ADRA1B: variants seen among roughly 807,000 people sequenced by gnomAD.
ADRA1B encodes the protein adrenoceptor alpha 1B.
A neutral mutation model predicts 17.9 loss-of-function variants in ADRA1B; 17 were observed. The observed-to-expected ratio is 0.95, with a 90% CI of 0.65 to 1.42. The LOEUF is 1.42. ADRA1B is among the 40% of genes most tolerant of loss of function. The pLI, the probability that ADRA1B is intolerant of heterozygous loss-of-function variation, is 0.00. For missense variants in ADRA1B, 681 were observed against 722.1 expected (o/e 0.94, Z 0.65); for synonymous variants, 366 against 327.6 (o/e 1.12, Z -1.27).
intron 1 of ADRA1B, among the ~76,000 whole-genome samples, chr5:159,873,955 C>T (rs1307795499): frequency 6.6e-6 from 1 of 152,090 alleles, no homozygotes. Flanking sequence ...TTTTTAACCC[C>T]ACCTCTTTGT....
chr5:159,866,595 A>G (rs1157864689), intron 1 of ADRA1B, among the ~76,000 whole-genome samples: 7 of 81,556 alleles, frequency 8.6e-5, no homozygotes, highest in Non-Finnish European at 1.2e-4. Context: ...TCAAAAAAGG[A>G]AAAAAAAAAA....
At chr5:159,923,180 C>A (rs1309712140) in intron 1 of ADRA1B, among the ~76,000 whole-genome samples, 1 of 152,262 alleles carries the variant, frequency 6.6e-6, no homozygotes, top group Non-Finnish European at 1.5e-5. Context: ...GAGGCGTGGG[C>A]AGAGGCCGGG....
chr5:159,906,549 C>T (rs999078697), intron 1 of ADRA1B, among the ~76,000 whole-genome samples: 15 of 152,204 alleles, frequency 9.9e-5, no homozygotes, highest in South Asian at 2.1e-4. Flanking sequence ...AAGGCTGAAG[C>T]CCAGGAATCT....
intron 1 of ADRA1B, among the ~76,000 whole-genome samples, chr5:159,957,980 A>C (rs894108494): frequency 1.3e-5 from 2 of 150,782 alleles, no homozygotes; most frequent in Non-Finnish European, 3.0e-5. Flanking sequence ...GAAAAGAAAT[A>C]TCATTCTTTT....
chr5:159,958,829 C>A lies in ADRA1B; in HGVS notation c.950-13050C>A, dbSNP rs188810976. ...ATAGCTTCTTCATGGTAAGTCCCAC[C>A]AATGCTCAGTTTCTAAAAGTGTTCT... On this transcript the variant is annotated intron_variant, in intron 1 of 1. Transcript: ENST00000306675. 3.8e-3 allele frequency among the ~76,000 whole-genome samples: 572 copies of A among 152,246 alleles called. 4 individuals are homozygous for A. Among genetic ancestry groups the A allele is most frequent in the Non-Finnish European group, 6.0e-3 (407 of 68,016 alleles).
chr5:159,895,153 G>T (rs1306528700), intron 1 of ADRA1B, among the ~76,000 whole-genome samples: 3 of 152,142 alleles, frequency 2.0e-5, no homozygotes, highest in Non-Finnish European at 2.9e-5. Flanking sequence ...CTCTGAGAAA[G>T]GTTGACCTAG....
the ADRA1B span, among the ~76,000 whole-genome samples, chr5:159,987,060 G>A: frequency 3.9e-5 from 6 of 152,222 alleles, no homozygotes; most frequent in Admixed American, 2.0e-4. Context: ...CTTCCCAGGT[G>A]GTTAACGTCC....
At chr5:159,946,408 CA>C (rs1331641084) in intron 1 of ADRA1B, among the ~76,000 whole-genome samples, 2 of 152,162 alleles carry the variant, frequency 1.3e-5, no homozygotes, top group African/African-American at 2.4e-5. Context: ...TCAATATTCA[CA>C]AAATGAACAC....
At chr5:159,960,985 T>G (rs981302976) in intron 1 of ADRA1B, among the ~76,000 whole-genome samples, 1 of 152,148 alleles carries the variant, frequency 6.6e-6, no homozygotes, top group Non-Finnish European at 1.5e-5. Flanking sequence ...TCAGAGGAGA[T>G]GAGAATATAG....
chr5:159,879,509 C>T (rs114439299), intron 1 of ADRA1B, among the ~76,000 whole-genome samples: 1 of 152,216 alleles, frequency 6.6e-6, no homozygotes, highest in Non-Finnish European at 1.5e-5. Flanking sequence ...TGCCCTTCAT[C>T]CTGGCTGCCT....
chr5:159,917,997 A>C, intron 1 of ADRA1B, 143 bp downstream of exon 1: 2 of 823,070 alleles, frequency 2.4e-6, no homozygotes, highest in Non-Finnish European at 3.8e-6. Context: ...TTTGTTCTGC[A>C]AAGGGTTTGC....
intron 1 of ADRA1B, among the ~76,000 whole-genome samples, chr5:159,967,173 T>G (rs1229665882): frequency 6.6e-6 from 1 of 152,166 alleles, no homozygotes; most frequent in Non-Finnish European, 1.5e-5. Flanking sequence ...TGTATTACTT[T>G]TGAAATAAAA....
At chr5:159,872,745 C>T (rs924114917) in intron 1 of ADRA1B, among the ~76,000 whole-genome samples, 5 of 152,176 alleles carry the variant, frequency 3.3e-5, no homozygotes, top group Middle Eastern at 3.4e-3. Flanking sequence ...TGCAATAAAA[C>T]CTTCCTTGGA....
At chr5:159,876,713 G>C (rs943417907) in intron 1 of ADRA1B, among the ~76,000 whole-genome samples, 7 of 152,206 alleles carry the variant, frequency 4.6e-5, no homozygotes, top group African/African-American at 1.7e-4. Flanking sequence ...GAGTGGCTCT[G>C]TGTTGGAATG....
intron 1 of ADRA1B, among the ~76,000 whole-genome samples, chr5:159,964,638 C>T (rs1012418656): frequency 5.3e-5 from 8 of 152,292 alleles, no homozygotes; most frequent in South Asian, 4.1e-4. Flanking sequence ...GAGACCATGA[C>T]GACAGCTATG....
chr5:159,950,840 T>A (rs1755419394), intron 1 of ADRA1B: 6 of 598,536 alleles, frequency 1.0e-5, no homozygotes, highest in Non-Finnish European at 1.9e-5. Flanking sequence ...AGCTTAGAGA[T>A]GACCCCTACC....
rs1310426291 is a variant in ADRA1B at position 159,963,294 on chromosome 5, A to ATATATATATG, written c.950-8576_950-8575insGTATATATAT. Among the ~76,000 whole-genome samples the ATATATATATG allele has an allele frequency of 5.3e-5, 8 of 150,022 alleles. No homozygotes were observed. In the East Asian group the frequency reaches 9.8e-4, roughly 18 times the overall value. On this transcript the variant is annotated intron_variant, in intron 1 of 1. Transcript: ENST00000306675. ...CAGTGAATAAACAAAAAAAGTATAT[A>ATATATATATG]TATATATATATATATCCACACACAT...
At chr5:159,926,358 C>CCCAGAGA (rs2113183994) in intron 1 of ADRA1B, among the ~76,000 whole-genome samples, 1 of 152,272 alleles carries the variant, frequency 6.6e-6, no homozygotes, top group Non-Finnish European at 1.5e-5. Flanking sequence ...TCATGTTTCT[C>CCCAGAGA]TCTGGGGATA....
At chr5:159,971,773 G>A in intron 1 of ADRA1B, 106 bp from the exon 2 acceptor site, 1 of 1,210,356 alleles carries the variant, frequency 8.3e-7, no homozygotes, top group South Asian at 3.5e-5. Context: ...CTGGCGGCAG[G>A]AACGCTGCAG....
Sources: gnomAD v4.1 joint callset for allele counts (sites outside exome capture counted in the v4.1 genomes callset) on GRCh38, gnomAD v4.1.1 for gene constraint, MANE v1.5 for transcripts, NCBI Gene and HGNC (gene_info 2026-07-23, HGNC 2026-07-21) for gene names.